UBE2E1: variants seen among roughly 807,000 people sequenced by gnomAD.
The protein encoded by UBE2E1 is ubiquitin conjugating enzyme E2 E1.
Under a neutral mutation model 21.4 loss-of-function variants are expected in UBE2E1, and 6 were observed. The observed-to-expected ratio is 0.28, with a 90% CI of 0.15 to 0.55. UBE2E1 has a LOEUF of 0.55. Among genes scored for constraint, UBE2E1 ranks in the 20% least tolerant of loss-of-function variants. UBE2E1 has a pLI of 0.93. For missense variants in UBE2E1, 142 were observed against 236.5 expected, an observed-to-expected ratio of 0.60 and a Z score of 2.62; for synonymous variants, 87 against 82.7, an observed-to-expected ratio of 1.05 and a Z score of -0.28.
At chr3:23,841,353 T>C (rs1240458533) in intron 3 of UBE2E1, among the ~76,000 whole-genome samples, 1 of 152,156 alleles carries the variant, frequency 6.6e-6, no homozygotes, top group Non-Finnish European at 1.5e-5. Context: ...GAATTTTTAA[T>C]TGTTTTAGGG....
At chr3:23,811,326 A>G (rs1699386320) in intron 2 of UBE2E1, 134 bp from the exon 3 acceptor site, 1 of 780,386 alleles carries the variant, frequency 1.3e-6, no homozygotes, top group Admixed American at 2.4e-5. Flanking sequence ...GAAGTTCTTG[A>G]TGTGTAGTTC....
chr3:23,889,414 T>C lies in UBE2E1; in HGVS notation c.484+155T>C, dbSNP rs371075008. On this transcript the variant is annotated intron_variant, in intron 5 of 5. Coordinates refer to ENST00000306627, the MANE Select transcript of UBE2E1 (RefSeq NM_003341.5). ...AAAAGAAAGTTTTAATCAAGTTCAG[T>C]CTACTAGTTGAGACACACAACTTCA... is the stretch of plus-strand genomic sequence containing the variant. The C allele has an allele frequency of 6.8e-4, 1,011 of 1,484,534 alleles. 15 individuals are homozygous for C. The South Asian group carries it at 0.013, about 19-fold the overall frequency. 92.0% of individuals were successfully genotyped at this position (1,484,534 alleles called of 1,614,324 possible). A position where few individuals can be genotyped will look rare whatever the true frequency, so the allele number is the denominator to read the frequency against.
In UBE2E1 at chr3:23,823,459, G is replaced by A. The variant is rs115241106; in HGVS notation, c.203+11949G>A. ...GTGGAACCACAACTGTTTTGGCTACGTAGGAATTTTGCTCCACAAGTAATT... is the reference window on the plus strand; with the variant it reads ...GTGGAACCACAACTGTTTTGGCTACATAGGAATTTTGCTCCACAAGTAATT... On this transcript the variant is annotated intron_variant, in intron 3 of 5. Coordinates refer to ENST00000306627, the MANE Select transcript of UBE2E1 (RefSeq NM_003341.5). This position sits in a 1 kb window ranked among gnomAD's most constrained non-coding sequence, Gnocchi z 4.2. Among the ~76,000 whole-genome samples, 16 of 152,312 alleles carry A rather than the reference G, an allele frequency of 1.1e-4. No individual in the cohort carries two copies. Among genetic ancestry groups the A allele is most frequent in the African/African-American group, 3.4e-4 (14 of 41,562 alleles).
At chr3:23,848,948 G>A (rs1277213325) in intron 3 of UBE2E1, among the ~76,000 whole-genome samples, 1 of 152,158 alleles carries the variant, frequency 6.6e-6, no homozygotes, top group African/African-American at 2.4e-5. Context: ...GTTGTGTCAT[G>A]TATCAGTACT....
chr3:23,886,966 G>A (rs918714440), intron 3 of UBE2E1, among the ~76,000 whole-genome samples: 6 of 152,160 alleles, frequency 3.9e-5, no homozygotes, highest in Admixed American at 3.3e-4. Context: ...AATGTCTCAA[G>A]TATTAGTATT....
At chr3:23,835,486 A>C (rs1416119562) in intron 3 of UBE2E1, among the ~76,000 whole-genome samples, 2 of 152,094 alleles carry the variant, frequency 1.3e-5, no homozygotes, top group Non-Finnish European at 2.9e-5. Context: ...CCAGAACAAA[A>C]AACAGTCACA....
intron 3 of UBE2E1, among the ~76,000 whole-genome samples, chr3:23,872,101 C>G (rs1185883281): frequency 6.6e-6 from 1 of 152,182 alleles, no homozygotes; most frequent in East Asian, 1.9e-4. Flanking sequence ...CTGAGTGAAC[C>G]AGACTCCGTC....
rs1575044537 is a variant in UBE2E1, at chr3:23,887,420, C to G, written c.204-147C>G. 8.9e-7 allele frequency: 1 copy of G among 1,120,334 alleles called. No individual in the cohort carries two copies. The highest frequency in any genetic ancestry group is 2.1e-5 in the South Asian group (1 of 47,354). 69.4% of individuals were successfully genotyped at this position (1,120,334 alleles called of 1,614,324 possible). ...CAATGGCTATGGGTTTGTTGCAGTT[C>G]TGCATCCGTTTCTGTACTTGTTTTG... is the stretch of plus-strand genomic sequence containing the variant. On this transcript the variant is annotated intron_variant, in intron 3 of 5. Transcript: ENST00000306627. The surrounding 1 kb of genome is among the most constrained non-coding windows in gnomAD (Gnocchi z 4.4).
At chr3:23,882,646 G>C (rs551121913) in intron 3 of UBE2E1, among the ~76,000 whole-genome samples, 12 of 151,944 alleles carry the variant, frequency 7.9e-5, no homozygotes, top group Admixed American at 7.2e-4. Flanking sequence ...GGGGAGGCTC[G>C]GGCCTGGCAG....
intron 3 of UBE2E1, among the ~76,000 whole-genome samples, chr3:23,812,312 C>T (rs1291413802): frequency 6.6e-6 from 1 of 152,112 alleles, no homozygotes; most frequent in Non-Finnish European, 1.5e-5. Flanking sequence ...TTAAGTATAA[C>T]ATTTAACCTA....
At chr3:23,818,071 G>A (rs1418725787) in intron 3 of UBE2E1, among the ~76,000 whole-genome samples, 1 of 152,134 alleles carries the variant, frequency 6.6e-6, no homozygotes, top group African/African-American at 2.4e-5. Flanking sequence ...GGAGAGGAAA[G>A]AGAGGTAGAA....
intron 3 of UBE2E1, among the ~76,000 whole-genome samples, chr3:23,862,117 G>A (rs926420855): frequency 9.2e-5 from 14 of 152,176 alleles, no homozygotes; most frequent in Non-Finnish European, 1.5e-5. Flanking sequence ...TTTGAGCAGC[G>A]GGACACTGAA....
At chr3:23,834,609 A>G (rs1699939556) in intron 3 of UBE2E1, among the ~76,000 whole-genome samples, 1 of 152,110 alleles carries the variant, frequency 6.6e-6, no homozygotes, top group South Asian at 2.1e-4. Context: ...CAAGCCTGTA[A>G]TCTTAGTGCT....
chr3:23,863,653 C>T lies in UBE2E1; in HGVS notation c.204-23914C>T, dbSNP rs1413415256. Among the ~76,000 whole-genome samples the T allele has an allele frequency of 2.0e-5, 3 of 152,164 alleles. No individual in the cohort carries two copies. Among genetic ancestry groups the T allele is most frequent in the African/African-American group, 7.2e-5 (3 of 41,444 alleles). ...TCAAGTGATTCTGCTGCCTCAGCCT[C>T]CCAAGTAGCTGAGATTACAGGCATG... On this transcript the variant is annotated intron_variant, in intron 3 of 5. Coordinates refer to ENST00000306627, the MANE Select transcript of UBE2E1 (RefSeq NM_003341.5). This position sits in a 1 kb window ranked among gnomAD's most constrained non-coding sequence, Gnocchi z 4.3.
At chr3:23,888,819 G>A (rs1164064727) in intron 4 of UBE2E1, among the ~76,000 whole-genome samples, 2 of 152,160 alleles carry the variant, frequency 1.3e-5, no homozygotes, top group Admixed American at 6.5e-5. Flanking sequence ...CAAGAGGTCA[G>A]CAAACAATTA....
chr3:23,879,008 G>GT, intron 3 of UBE2E1: 1 of 493,092 alleles, frequency 2.0e-6, no homozygotes, highest in Non-Finnish European at 4.1e-6. Flanking sequence ...TGATTGCACA[G>GT]GTAAGCTGCA....
At chr3:23,884,770 G>A (rs1265937537) in intron 3 of UBE2E1, among the ~76,000 whole-genome samples, 1 of 152,076 alleles carries the variant, frequency 6.6e-6, no homozygotes, top group East Asian at 1.9e-4. Context: ...TGTCAGTACT[G>A]GATTTTAGAG....
intron 3 of UBE2E1, among the ~76,000 whole-genome samples, chr3:23,843,426 G>T (rs1420349799): frequency 2.0e-5 from 3 of 152,148 alleles, no homozygotes; most frequent in Non-Finnish European, 4.4e-5. Flanking sequence ...GATTTTCTCA[G>T]TTCTGAGTTT....
intron 3 of UBE2E1, among the ~76,000 whole-genome samples, chr3:23,885,979 T>C (rs1235864235): frequency 6.6e-6 from 1 of 151,846 alleles, no homozygotes; most frequent in Non-Finnish European, 1.5e-5. Flanking sequence ...GGAGGATTGC[T>C]TGAGCCCAGG....
Sources: allele counts gnomAD v4.1 joint callset (sites outside exome capture counted in the v4.1 genomes callset), GRCh38; gene constraint gnomAD v4.1.1; non-coding constraint Gnocchi (gnomAD v3.1); transcripts MANE v1.5; gene names NCBI Gene and HGNC (gene_info 2026-07-23, HGNC 2026-07-21).